Variants in CDH12 observed in about 807,000 individuals in gnomAD.
CDH12 encodes the protein cadherin 12.
CDH12 carries 41 observed loss-of-function variants against 74.1 expected under a neutral mutation model. That is an observed-to-expected ratio of 0.55 (90% CI 0.43 to 0.72). CDH12 has a LOEUF of 0.72. Among genes scored for constraint, CDH12 ranks in the 30% least tolerant of loss-of-function variants. The pLI, the probability that CDH12 is intolerant of heterozygous loss-of-function variation, is 0.00. For synonymous variants in CDH12, 399 were observed against 355.0 expected (o/e 1.12, Z -1.39); for missense variants, 945 against 977.2 (o/e 0.97, Z 0.44).
At chr5:22,273,520 G>A (rs890186014) in intron 3 of CDH12, among the ~76,000 whole-genome samples, 1 of 152,026 alleles carries the variant, frequency 6.6e-6, no homozygotes, top group Admixed American at 6.6e-5. Flanking sequence ...TATTAGCTTG[G>A]TGCAAATTGC....
At chr5:22,411,533 C>T (rs12514328) in intron 2 of CDH12, among the ~76,000 whole-genome samples, 1,608 of 152,028 alleles carry the variant, frequency 0.011, 89 homozygotes, top group Admixed American at 0.084. Flanking sequence ...CAGCATAATT[C>T]GAGCTCAAAA....
intron 1 of CDH12, among the ~76,000 whole-genome samples, chr5:22,531,812 G>A (rs1053810930): frequency 6.6e-6 from 1 of 152,094 alleles, no homozygotes; most frequent in Admixed American, 6.5e-5. Flanking sequence ...TTGGCTGAAA[G>A]TCTGTATTAG....
chr5:22,050,026 G>T (rs893437298), intron 5 of CDH12, among the ~76,000 whole-genome samples: 1 of 152,058 alleles, frequency 6.6e-6, no homozygotes, highest in Non-Finnish European at 1.5e-5. Flanking sequence ...ATGAGCTGGT[G>T]CATTTCAAAC....
chr5:21,858,994 T>A (rs1178283422), intron 6 of CDH12, among the ~76,000 whole-genome samples: 4 of 151,938 alleles, frequency 2.6e-5, no homozygotes, highest in Non-Finnish European at 1.5e-5. Flanking sequence ...ACACTTAAAA[T>A]CTACTTTCCT....
chr5:21,906,101 CATTA>C (rs1386826995), intron 6 of CDH12, among the ~76,000 whole-genome samples: 2 of 151,826 alleles, frequency 1.3e-5, no homozygotes, highest in Admixed American at 6.6e-5. Flanking sequence ...ACTTCCTAAC[CATTA>C]ATTAATATCT....
intron 6 of CDH12, among the ~76,000 whole-genome samples, chr5:21,916,612 C>T (rs964827796): frequency 1.3e-5 from 2 of 152,128 alleles, no homozygotes; most frequent in Non-Finnish European, 2.9e-5. Context: ...ACCAAACACC[C>T]TTTCTCCTCC....
chr5:21,892,025 C>A (rs1376836501), intron 6 of CDH12, among the ~76,000 whole-genome samples: 5 of 152,132 alleles, frequency 3.3e-5, no homozygotes, highest in African/African-American at 1.2e-4. Flanking sequence ...ACTGCTATGC[C>A]AAGCTCATAT....
intron 3 of CDH12, among the ~76,000 whole-genome samples, chr5:22,336,824 T>A (rs547925036): frequency 6.6e-6 from 1 of 152,198 alleles, no homozygotes; most frequent in African/African-American, 2.4e-5. Context: ...AGAGTCCCTA[T>A]TGGGGCACTG....
chr5:22,658,963 T>C (rs1233446572), intron 1 of CDH12, among the ~76,000 whole-genome samples: 1 of 152,180 alleles, frequency 6.6e-6, no homozygotes, highest in Admixed American at 6.5e-5. Flanking sequence ...CAAATTTATC[T>C]CTATCAATAA....
At chr5:21,761,361 T>A (rs1744708018) in intron 12 of CDH12, among the ~76,000 whole-genome samples, 1 of 152,154 alleles carries the variant, frequency 6.6e-6, no homozygotes, top group Non-Finnish European at 1.5e-5. Context: ...AGAATCAACC[T>A]GTGAAATTTA....
chr5:22,296,363 T>A (rs1483567499), intron 3 of CDH12, among the ~76,000 whole-genome samples: 1 of 152,084 alleles, frequency 6.6e-6, no homozygotes, highest in African/African-American at 2.4e-5. Flanking sequence ...TATCTACTAA[T>A]TATATGCTAA....
intron 4 of CDH12, among the ~76,000 whole-genome samples, chr5:22,092,854 A>G (rs1046539508): frequency 1.3e-5 from 2 of 152,208 alleles, no homozygotes; most frequent in African/African-American, 4.8e-5. Context: ...AAATTACATA[A>G]AAACCAATGG....
intron 3 of CDH12, among the ~76,000 whole-genome samples, chr5:22,254,746 T>G (rs1272778764): frequency 1.3e-5 from 2 of 151,850 alleles, no homozygotes; most frequent in East Asian, 3.9e-4. Context: ...TTTAATTTTT[T>G]AAATGTTTGT....
chr5:21,781,200 G>A (rs1745888051), intron 11 of CDH12, among the ~76,000 whole-genome samples: 1 of 152,112 alleles, frequency 6.6e-6, no homozygotes, highest in Non-Finnish European at 1.5e-5. Context: ...GGACACAGGA[G>A]AAAGGAGCTA....
rs1210211269 is a variant in CDH12, at chr5:21,813,220, T to C, written c.1002+3725A>G. On this transcript the variant is annotated intron_variant, in intron 9 of 14. Transcript: ENST00000382254. ...GAGGCCAGGTGTGGTGGCTCATGCCTGTAATCCCAGCACTTTGGGAGGCCA... is the reference window on the plus strand; with the variant it reads ...GAGGCCAGGTGTGGTGGCTCATGCCCGTAATCCCAGCACTTTGGGAGGCCA... Among the ~76,000 whole-genome samples, 4 of 152,178 alleles carry C rather than the reference T, an allele frequency of 2.6e-5. No individual in the cohort carries two copies. The East Asian group carries it at 7.7e-4, about 29-fold the overall frequency.
intron 1 of CDH12, among the ~76,000 whole-genome samples, chr5:22,628,286 C>T (rs1431973321): frequency 6.6e-6 from 1 of 152,134 alleles, no homozygotes; most frequent in African/African-American, 2.4e-5. Context: ...TCCAAAACAA[C>T]AGAATATACA....
chr5:22,212,464 T>A, intron 4 of CDH12, 34 bp downstream of exon 4: 1 of 705,696 alleles, frequency 1.4e-6, no homozygotes, highest in Non-Finnish European at 1.7e-6. Context: ...AGAAATTCAG[T>A]GCCATGCAGT....
intron 1 of CDH12, among the ~76,000 whole-genome samples, chr5:22,680,838 G>A (rs1191931865): frequency 6.6e-6 from 1 of 151,920 alleles, no homozygotes; most frequent in African/African-American, 2.4e-5. Flanking sequence ...TGTTGCTCTG[G>A]AAAGTTTCAT....
In CDH12 at chr5:21,771,196, GT is replaced by G. The variant is rs11465147; in HGVS notation, c.1394-6098del. ...ATGTACCCTTGAACCTAAAATGAAAGTTTTTTTTTTTTAAAGTTAAAATTCA... is the reference window on the plus strand; with the variant it reads ...ATGTACCCTTGAACCTAAAATGAAAGTTTTTTTTTTTAAAGTTAAAATTCA... On this transcript the variant is annotated intron_variant, in intron 11 of 14. Transcript: ENST00000382254. Among the ~76,000 whole-genome samples, 577 of 147,742 alleles carry G rather than the reference GT, an allele frequency of 3.9e-3. 8 individuals are homozygous for G. Among genetic ancestry groups the G allele is most frequent in the East Asian group, 6.5e-3 (33 of 5,048 alleles).
Sources: gnomAD v4.1 joint callset for allele counts (sites outside exome capture counted in the v4.1 genomes callset) on GRCh38, gnomAD v4.1.1 for gene constraint, MANE v1.5 for transcripts, NCBI Gene and HGNC (gene_info 2026-07-23, HGNC 2026-07-21) for gene names.